The following KLHL2 variants were observed in gnomAD, a reference collection of about 807,000 sequenced individuals.
KLHL2 encodes kelch like family member 2, also known as kelch-like protein 2.
KLHL2 carries 15 observed loss-of-function variants against 75.8 expected under a neutral mutation model. The observed-to-expected ratio is 0.20, with a 90% confidence interval of 0.13 to 0.30. The LOEUF (loss-of-function observed/expected upper bound fraction) is 0.30, where lower values mean the gene tolerates loss of function less well. Among genes scored for constraint, KLHL2 ranks in the 10% least tolerant of loss-of-function variants. The pLI, the probability that KLHL2 is intolerant of heterozygous loss-of-function variation, is 1.00. For missense variants in KLHL2, 381 were observed against 741.0 expected, an observed-to-expected ratio of 0.51 and a Z score of 5.64; for synonymous variants, 214 against 251.9, an observed-to-expected ratio of 0.85 and a Z score of 1.42.
chr4:165,280,107 G>A lies in KLHL2; in HGVS notation c.545-14252G>A, dbSNP rs564392866. On this transcript the variant is annotated intron_variant, in intron 5 of 14. Transcript: ENST00000226725. ...CTCTTGTATTTCTTCATAAATCTGT[G>A]CTCTTTGGCCCTTGTTCTTCCAGCC... Among the ~76,000 whole-genome samples the A allele has an allele frequency of 3.3e-5, 5 of 152,234 alleles. No individual in the cohort carries two copies. The South Asian group carries it at 1.0e-3, about 32-fold the overall frequency.
chr4:165,321,662 T>C (rs1422165297), intron 14 of KLHL2, among the ~76,000 whole-genome samples: 1 of 152,188 alleles, frequency 6.6e-6, no homozygotes, highest in African/African-American at 2.4e-5. Flanking sequence ...ATTTAAACTA[T>C]ATAATTTTAT....
chr4:165,322,178 A>G lies in KLHL2; in HGVS notation c.*118A>G. ...TAGCTGCACTTTAAGTCTCAGCAGA[A>G]GATACGATCGTCTGCCTTTATAGGC... is the stretch of plus-strand genomic sequence containing the variant. On this transcript the variant is annotated 3_prime_UTR_variant, in exon 15 of 15. Coordinates refer to ENST00000226725, the MANE Select transcript of KLHL2 (RefSeq NM_007246.4). 1.0e-6 allele frequency: 1 copy of G among 974,702 alleles called. No individual in the cohort carries two copies. The highest frequency in any genetic ancestry group is 1.8e-5 in the Admixed American group (1 of 55,652). 60.4% of individuals were successfully genotyped at this position (974,702 alleles called of 1,614,324 possible).
intron 5 of KLHL2, chr4:165,278,239 G>A (rs770351595): frequency 7.1e-6 from 8 of 1,133,272 alleles, no homozygotes; most frequent in Middle Eastern, 1.9e-4. Flanking sequence ...TCCATACGTC[G>A]ACTCCTTCTG....
rs201930063 is a variant in KLHL2 at position 165,275,098 on chromosome 4, ATTTATTTTAT to A, written c.544+11774_544+11783del. Among the ~76,000 whole-genome samples, 1,253 of 146,716 alleles carry A rather than the reference ATTTATTTTAT, an allele frequency of 8.5e-3. 9 individuals are homozygous for A. The highest frequency in any genetic ancestry group is 0.025 in the African/African-American group (1,015 of 40,038). ...TCAGCCTTCGTTACACTCCTGAAAG[ATTTATTTTAT>A]TTTATTTTATTTTATTTTATTTTAT... On this transcript the variant is annotated intron_variant, in intron 5 of 14. Transcript: ENST00000226725.
chr4:165,305,581 C>G, intron 8 of KLHL2, 27 bp from the exon 9 acceptor site: 2 of 1,536,112 alleles, frequency 1.3e-6, no homozygotes, highest in Non-Finnish European at 1.8e-6. Context: ...GTCATTTGTT[C>G]AAGTGCTTAC....
At chr4:165,284,440 C>T (rs1008619389) in intron 5 of KLHL2, among the ~76,000 whole-genome samples, 4 of 152,164 alleles carry the variant, frequency 2.6e-5, no homozygotes, top group African/African-American at 4.8e-5. Context: ...CAAAATGCCG[C>T]CAGTCTCTTT....
At chr4:165,247,883 A>T (rs1740390290) in intron 4 of KLHL2, among the ~76,000 whole-genome samples, 1 of 152,340 alleles carries the variant, frequency 6.6e-6, no homozygotes, top group East Asian at 1.9e-4. Context: ...ATTCGCAGTC[A>T]TAAATATCAG....
chr4:165,306,329 G>T (rs1433072044), intron 9 of KLHL2, among the ~76,000 whole-genome samples: 1 of 152,190 alleles, frequency 6.6e-6, no homozygotes, highest in Non-Finnish European at 1.5e-5. Flanking sequence ...CAGCATATCT[G>T]GAGTTACCTC....
intron 1 of KLHL2, among the ~76,000 whole-genome samples, chr4:165,213,881 T>C (rs1737364487): frequency 6.6e-6 from 1 of 152,196 alleles, no homozygotes; most frequent in African/African-American, 2.4e-5. Context: ...AATTCAACAA[T>C]TTTCTTCTAA....
intron 5 of KLHL2, among the ~76,000 whole-genome samples, chr4:165,274,101 A>C (rs1012578204): frequency 1.3e-5 from 2 of 152,022 alleles, no homozygotes; most frequent in African/African-American, 4.8e-5. Flanking sequence ...TTTCCCTATC[A>C]TAGGCAGTAG....
At position 165,291,768 on chromosome 4, in the gene KLHL2, CTT is replaced by C. The variant is rs1238431394; in HGVS notation, c.545-2590_545-2589del. On this transcript the variant is annotated intron_variant, in intron 5 of 14. Transcript: ENST00000226725. ...CCAAAATCCGTGGGTTCTCCAGTCT[CTT>C]ATATAAAATGGGGTAGTATTTGCAT... is the stretch of plus-strand genomic sequence containing the variant. Among the ~76,000 whole-genome samples the C allele has an allele frequency of 2.6e-5, 4 of 152,160 alleles. No individual in the cohort carries two copies. In the East Asian group the frequency reaches 7.7e-4, roughly 29 times the overall value.
At chr4:165,224,724 A>G (rs1013611150) in intron 2 of KLHL2, among the ~76,000 whole-genome samples, 1 of 152,246 alleles carries the variant, frequency 6.6e-6, no homozygotes, top group African/African-American at 2.4e-5. Context: ...CAGTGAACTT[A>G]AGTGAGTCTC....
intron 5 of KLHL2, chr4:165,277,698 G>A: frequency 1.9e-6 from 1 of 535,048 alleles, no homozygotes; most frequent in East Asian, 3.4e-5. Context: ...TGGCAATGGA[G>A]GGGGTCAGCC....
chr4:165,308,835 C>T (rs1033532098), intron 9 of KLHL2, among the ~76,000 whole-genome samples: 2 of 152,118 alleles, frequency 1.3e-5, no homozygotes, highest in Non-Finnish European at 2.9e-5. Flanking sequence ...CACGAGTCTC[C>T]AGGCCCTCTT....
intron 6 of KLHL2, among the ~76,000 whole-genome samples, chr4:165,296,218 A>C (rs1442896079): frequency 6.6e-6 from 1 of 152,072 alleles, no homozygotes; most frequent in African/African-American, 2.4e-5. Flanking sequence ...ATGGGTCTGT[A>C]ATGTCCAAGG....
intron 3 of KLHL2, among the ~76,000 whole-genome samples, chr4:165,232,335 G>A (rs763326291): frequency 4.0e-4 from 60 of 151,706 alleles, no homozygotes; most frequent in Non-Finnish European, 8.4e-4. Flanking sequence ...GCTGAGGCAG[G>A]AGAATGGCGT....
chr4:165,229,769 C>T (rs1424893710), intron 3 of KLHL2, among the ~76,000 whole-genome samples: 2 of 152,206 alleles, frequency 1.3e-5, no homozygotes, highest in Non-Finnish European at 2.9e-5. Flanking sequence ...AGTGGTCAGA[C>T]GTTGACGGCT....
intron 6 of KLHL2, 149 bp from the exon 7 acceptor site, chr4:165,297,460 G>T: frequency 1.7e-6 from 1 of 577,678 alleles, no homozygotes; most frequent in Non-Finnish European, 3.1e-6. Context: ...TAAGTACATT[G>T]CAAGTCAGGA....
At chr4:165,269,895 A>T (rs1742548587) in intron 5 of KLHL2, among the ~76,000 whole-genome samples, 1 of 152,108 alleles carries the variant, frequency 6.6e-6, no homozygotes, top group African/African-American at 2.4e-5. Flanking sequence ...GTTCTCCTGG[A>T]TAATATCCTG....
Sources: allele counts gnomAD v4.1 joint callset (sites outside exome capture counted in the v4.1 genomes callset), GRCh38; gene constraint gnomAD v4.1.1; transcripts MANE v1.5; gene names NCBI Gene and HGNC (gene_info 2026-07-23, HGNC 2026-07-21).